The following ERBIN variants were observed in gnomAD, a reference collection of about 807,000 sequenced individuals.
ERBIN encodes the protein densin-180-like protein.
In ERBIN, 60 loss-of-function variants were observed where a neutral mutation model predicts 158.4. The observed-to-expected ratio is 0.38, with a 90% CI of 0.31 to 0.47. ERBIN has a LOEUF of 0.47. Among genes scored for constraint, ERBIN ranks in the 20% least tolerant of loss-of-function variants. ERBIN has a pLI of 0.99. For synonymous variants in ERBIN, 594 were observed against 557.2 expected (o/e 1.07, Z -0.93); for missense variants, 1,610 against 1,648.0 (o/e 0.98, Z 0.40).
intron 21 of ERBIN, among the ~76,000 whole-genome samples, chr5:66,070,332 C>T (rs991605158): frequency 2.6e-5 from 4 of 152,080 alleles, no homozygotes; most frequent in East Asian, 3.9e-4. Flanking sequence ...CATGAGCCAC[C>T]GCGCCCAGCT....
At position 66,002,193 on chromosome 5, in the gene ERBIN, A is replaced by G. The variant is rs181577262; in HGVS notation, c.307+7329A>G. Reference sequence around the variant, plus strand: ...TATTCCATGGTGTATTATGTGCCACATTTTCTTTATCCAATCTGTCATTGA... The same window carrying G: ...TATTCCATGGTGTATTATGTGCCACGTTTTCTTTATCCAATCTGTCATTGA... On this transcript the variant is annotated intron_variant, in intron 4 of 25. Transcript: ENST00000284037. 7.1e-4 allele frequency among the ~76,000 whole-genome samples: 108 copies of G among 152,048 alleles called. 1 individual carries two copies. The highest frequency in any genetic ancestry group is 3.4e-3 in the Middle Eastern group (1 of 294).
intron 4 of ERBIN, among the ~76,000 whole-genome samples, chr5:65,997,577 G>A (rs1380668871): frequency 6.6e-6 from 1 of 152,090 alleles, no homozygotes. Context: ...AAAAAAGAAA[G>A]AATCACATGA....
chr5:65,977,209 C>A (rs1412128231), intron 1 of ERBIN, among the ~76,000 whole-genome samples: 12 of 137,320 alleles, frequency 8.7e-5, no homozygotes, highest in African/African-American at 3.7e-4. Flanking sequence ...CCCCCCCCCA[C>A]CTCCCTCCCG....
chr5:66,025,606 T>C (rs1435477223), intron 11 of ERBIN, 54 bp downstream of exon 11: 3 of 1,314,192 alleles, frequency 2.3e-6, no homozygotes, highest in Non-Finnish European at 3.3e-6. Context: ...CAGTTCAGCA[T>C]GCCATACATA....
At chr5:65,980,733 C>G (rs1367715336) in intron 1 of ERBIN, among the ~76,000 whole-genome samples, 1 of 150,790 alleles carries the variant, frequency 6.6e-6, no homozygotes, top group South Asian at 2.1e-4. Context: ...AAAAAAAAAA[C>G]CTCGTAATGT....
intron 1 of ERBIN, among the ~76,000 whole-genome samples, chr5:65,955,149 G>T (rs1455709263): frequency 1.3e-5 from 2 of 152,044 alleles, no homozygotes; most frequent in African/African-American, 4.8e-5. Context: ...GTCTTAAAAT[G>T]GTTCGGATTT....
intron 7 of ERBIN, among the ~76,000 whole-genome samples, chr5:66,016,931 C>T (rs780726173): frequency 2.0e-5 from 3 of 151,890 alleles, no homozygotes; most frequent in Non-Finnish European, 4.4e-5. Flanking sequence ...CTTTTTTTAG[C>T]TCGCACATGT....
chr5:65,966,943 T>A (rs1222623451), intron 1 of ERBIN, among the ~76,000 whole-genome samples: 5 of 151,894 alleles, frequency 3.3e-5, no homozygotes, highest in African/African-American at 4.8e-5. Context: ...TAAAAAAAAA[T>A]TTCTTTTAAA....
chr5:65,955,882 T>G (rs1311221284), intron 1 of ERBIN, among the ~76,000 whole-genome samples: 1 of 152,238 alleles, frequency 6.6e-6, no homozygotes, highest in Non-Finnish European at 1.5e-5. Context: ...TGAGTAGTGA[T>G]GAAATCTTGT....
intron 22 of ERBIN, 89 bp downstream of exon 22, chr5:66,072,380 A>C: frequency 7.6e-7 from 1 of 1,320,964 alleles, no homozygotes; most frequent in South Asian, 2.0e-5. Context: ...CTTTAGATGA[A>C]AATACTTTTT....
chr5:66,068,380 T>C (rs1761213023), intron 21 of ERBIN, among the ~76,000 whole-genome samples: 1 of 152,120 alleles, frequency 6.6e-6, no homozygotes, highest in African/African-American at 2.4e-5. Context: ...TTTTGTGTTA[T>C]GTATATTTAA....
chr5:65,963,315 A>G (rs1334527084), intron 1 of ERBIN, among the ~76,000 whole-genome samples: 1 of 152,246 alleles, frequency 6.6e-6, no homozygotes, highest in Non-Finnish European at 1.5e-5. Context: ...GAGGTAGGAT[A>G]CAACCAAACA....
intron 25 of ERBIN, among the ~76,000 whole-genome samples, chr5:66,077,219 C>T (rs1762069114): frequency 1.3e-5 from 2 of 150,700 alleles, no homozygotes. Flanking sequence ...TTAATTTTTA[C>T]TAATTTGAGG....
chr5:65,937,301 A>G (rs1744199749), intron 1 of ERBIN, among the ~76,000 whole-genome samples: 1 of 152,234 alleles, frequency 6.6e-6, no homozygotes, highest in East Asian at 1.9e-4. Context: ...GTAATAACCT[A>G]GCTTTTTAAA....
At chr5:66,066,534 A>AC (rs1333591499) in intron 21 of ERBIN, among the ~76,000 whole-genome samples, 1 of 149,944 alleles carries the variant, frequency 6.7e-6, no homozygotes, top group African/African-American at 2.5e-5. Context: ...AAAAAAAAAA[A>AC]ACAAAAAAAA....
intron 21 of ERBIN, among the ~76,000 whole-genome samples, chr5:66,065,442 A>T (rs1418929192): frequency 2.0e-5 from 3 of 152,194 alleles, no homozygotes; most frequent in African/African-American, 7.2e-5. Flanking sequence ...TTAAGGCAGG[A>T]TGGTTTGAAT....
intron 1 of ERBIN, among the ~76,000 whole-genome samples, chr5:65,927,247 T>C (rs1340231615): frequency 1.3e-5 from 2 of 152,204 alleles, no homozygotes; most frequent in Non-Finnish European, 2.9e-5. Flanking sequence ...TTTATACTCA[T>C]ACCGATTATA....
intron 2 of ERBIN, among the ~76,000 whole-genome samples, chr5:65,991,360 T>C (rs528847301): frequency 2.6e-5 from 4 of 152,346 alleles, no homozygotes; most frequent in Middle Eastern, 6.8e-3. Flanking sequence ...GCCTGAGTCC[T>C]TACTAGCCTT....
At chr5:66,051,907 A>AG (rs973176098) in intron 20 of ERBIN, among the ~76,000 whole-genome samples, 3 of 148,884 alleles carry the variant, frequency 2.0e-5, no homozygotes, top group Non-Finnish European at 3.0e-5. Flanking sequence ...AAAAAAAAAA[A>AG]AGAGACAGAT....
Sources: allele counts gnomAD v4.1 joint callset (sites outside exome capture counted in the v4.1 genomes callset), GRCh38; gene constraint gnomAD v4.1.1; transcripts MANE v1.5; gene names NCBI Gene and HGNC (gene_info 2026-07-23, HGNC 2026-07-21).